GLT1D1: variants seen among roughly 807,000 people sequenced by gnomAD.
The protein encoded by GLT1D1 is glycosyltransferase 1 domain-containing protein 1.
A neutral mutation model predicts 28.7 loss-of-function variants in GLT1D1; 21 were observed. That is an observed-to-expected ratio of 0.73 (90% CI 0.52 to 1.05). The LOEUF (loss-of-function observed/expected upper bound fraction) is 1.05. GLT1D1 is among the 50% of genes least tolerant of loss of function. The pLI, the probability that GLT1D1 is intolerant of heterozygous loss-of-function variation, is 0.00. For synonymous variants in GLT1D1, 147 were observed against 124.8 expected (o/e 1.18, Z -1.19); for missense variants, 343 against 330.6 (o/e 1.04, Z -0.29).
intron 7 of GLT1D1, among the ~76,000 whole-genome samples, chr12:128,963,315 G>A (rs1029522139): frequency 6.6e-6 from 1 of 152,050 alleles, no homozygotes; most frequent in African/African-American, 2.4e-5. Flanking sequence ...TTCCAGGGTC[G>A]TATGGGCCAG....
chr12:128,951,296 G>A (rs1395175939), intron 6 of GLT1D1, among the ~76,000 whole-genome samples: 1 of 152,116 alleles, frequency 6.6e-6, no homozygotes, highest in East Asian at 1.9e-4. Context: ...CCAGCTACTA[G>A]GGTGGCAGAG....
chr12:128,982,688 A>G (rs749134914), intron 7 of GLT1D1, among the ~76,000 whole-genome samples: 30 of 151,370 alleles, frequency 2.0e-4, no homozygotes, highest in Non-Finnish European at 3.8e-4. Flanking sequence ...GTGTGTGTGC[A>G]TGTGTGTGCA....
At chr12:128,881,431 G>A (rs1957039386) in intron 2 of GLT1D1, among the ~76,000 whole-genome samples, 1 of 145,662 alleles carries the variant, frequency 6.9e-6, no homozygotes, top group African/African-American at 2.5e-5. Flanking sequence ...CTACTTGGGA[G>A]GCCGAGGCAG....
intron 7 of GLT1D1, among the ~76,000 whole-genome samples, chr12:128,973,980 C>T (rs1879519682): frequency 1.3e-5 from 2 of 149,206 alleles, no homozygotes; most frequent in East Asian, 2.0e-4. Flanking sequence ...CTGTGCTCCA[C>T]ACCACATGCA....
intron 3 of GLT1D1, among the ~76,000 whole-genome samples, chr12:128,896,197 T>C (rs754502206): frequency 3.9e-5 from 6 of 152,014 alleles, no homozygotes; most frequent in Non-Finnish European, 5.9e-5. Context: ...AGGACAATAA[T>C]TGAAGCAGGG....
At chr12:128,907,911 T>C (rs1871050469) in intron 4 of GLT1D1, among the ~76,000 whole-genome samples, 1 of 152,214 alleles carries the variant, frequency 6.6e-6, no homozygotes, top group African/African-American at 2.4e-5. Flanking sequence ...CTGAATAAAA[T>C]GAACAATCAT....
intron 1 of GLT1D1, among the ~76,000 whole-genome samples, chr12:128,875,237 A>T (rs1241084877): frequency 1.3e-5 from 2 of 152,186 alleles, no homozygotes; most frequent in African/African-American, 2.4e-5. Flanking sequence ...GAAAATGTGG[A>T]ATTAAGGAAA....
chr12:128,873,998 TCTTCC>T (rs1455833303), intron 1 of GLT1D1, among the ~76,000 whole-genome samples: 3 of 142,762 alleles, frequency 2.1e-5, no homozygotes, highest in Non-Finnish European at 3.1e-5. Flanking sequence ...CTTCCTTCCT[TCTTCC>T]CTTCCCTTCC....
At position 128,921,031 on chromosome 12, in the gene GLT1D1, G is replaced by A. The variant is rs565148632; in HGVS notation, c.375+21744G>A. On this transcript the variant is annotated intron_variant, in intron 4 of 7. Coordinates refer to ENST00000281703, the MANE Select transcript of GLT1D1 (RefSeq NM_144669.3). Reference sequence around the variant, plus strand: ...AGCTGTCAGGGGCTTTAGGGAGCCCGAAGTGTAATTCATCAGAGTTGATGC... The same window carrying A: ...AGCTGTCAGGGGCTTTAGGGAGCCCAAAGTGTAATTCATCAGAGTTGATGC... 3.3e-5 allele frequency among the ~76,000 whole-genome samples: 5 copies of A among 152,270 alleles called. No individual in the cohort carries two copies. In the South Asian group the frequency reaches 6.2e-4, roughly 19 times the overall value.
chr12:128,905,532 G>A (rs933191707), intron 4 of GLT1D1, among the ~76,000 whole-genome samples: 7 of 152,210 alleles, frequency 4.6e-5, no homozygotes, highest in African/African-American at 1.4e-4. Context: ...GTTTATGATC[G>A]CCTACCTATC....
intron 4 of GLT1D1, among the ~76,000 whole-genome samples, chr12:128,908,010 C>A (rs1017556205): frequency 6.6e-6 from 1 of 152,196 alleles, no homozygotes; most frequent in Non-Finnish European, 1.5e-5. Context: ...TTTCTTGAGT[C>A]GCCCCAGTAG....
intron 4 of GLT1D1, among the ~76,000 whole-genome samples, chr12:128,926,862 A>G (rs1190904414): frequency 6.6e-6 from 1 of 152,230 alleles, no homozygotes; most frequent in African/African-American, 2.4e-5. Context: ...GACTAGTCCT[A>G]GTTATCCAGT....
chr12:128,975,003 C>T (rs1432814036), intron 7 of GLT1D1, among the ~76,000 whole-genome samples: 1 of 151,920 alleles, frequency 6.6e-6, no homozygotes, highest in Admixed American at 6.6e-5. Flanking sequence ...AATTAGCTTT[C>T]TCACCTGCTG....
At chr12:128,853,950 C>T (rs542838741) in intron 1 of GLT1D1, among the ~76,000 whole-genome samples, 1 of 152,104 alleles carries the variant, frequency 6.6e-6, no homozygotes, top group African/African-American at 2.4e-5. Context: ...GGGAAGGCCT[C>T]GCTGCAGAAG....
chr12:128,911,780 A>G (rs769189927), intron 4 of GLT1D1, among the ~76,000 whole-genome samples: 11 of 152,164 alleles, frequency 7.2e-5, no homozygotes, highest in Non-Finnish European at 1.5e-4. Context: ...ATGGCAAGGA[A>G]TAGTAAGTTG....
chr12:128,864,195 A>G, intron 1 of GLT1D1: 1 of 675,796 alleles, frequency 1.5e-6, no homozygotes, highest in Non-Finnish European at 2.7e-6. Flanking sequence ...TTTTTGTTGA[A>G]TTAGGGCAGT....
At position 128,942,739 on chromosome 12, in the gene GLT1D1, G is replaced by GTTTTTTT. The variant is rs199567989; in HGVS notation, c.376-2584_376-2583insTTTTTTT. Reference sequence around the variant, plus strand: ...CTTTAGATTCCAATTTTCTTTGTTTGTTTGTTTTTGTTTTTTGTTTTTTTT... The same window carrying GTTTTTTT: ...CTTTAGATTCCAATTTTCTTTGTTTGTTTTTTTTTTGTTTTTGTTTTTTGTTTTTTTT... On this transcript the variant is annotated intron_variant, in intron 4 of 7. Coordinates refer to ENST00000281703, the MANE Select transcript of GLT1D1 (RefSeq NM_144669.3). Among the ~76,000 whole-genome samples, 135 of 102,490 alleles carry GTTTTTTT rather than the reference G, an allele frequency of 1.3e-3. 13 individuals carry two copies. The highest frequency in any genetic ancestry group is 1.9e-3 in the Non-Finnish European group (101 of 54,316). 67.2% of individuals were successfully genotyped at this position (102,490 alleles called of 152,430 possible).
chr12:128,904,909 C>A (rs2135866455), intron 4 of GLT1D1, among the ~76,000 whole-genome samples: 1 of 152,306 alleles, frequency 6.6e-6, no homozygotes, highest in East Asian at 1.9e-4. Context: ...GCTGGGATTA[C>A]AGGTGACTGC....
intron 4 of GLT1D1, among the ~76,000 whole-genome samples, chr12:128,912,092 C>T (rs1036201389): frequency 6.6e-6 from 1 of 152,178 alleles, no homozygotes; most frequent in African/African-American, 2.4e-5. Flanking sequence ...TGGGCCGGCA[C>T]TGGCATGCTC....
Sources: allele counts gnomAD v4.1 joint callset (sites outside exome capture counted in the v4.1 genomes callset), GRCh38; gene constraint gnomAD v4.1.1; transcripts MANE v1.5; gene names NCBI Gene and HGNC (gene_info 2026-07-23, HGNC 2026-07-21).